MIOS: variants seen among roughly 807,000 people sequenced by gnomAD.
MIOS encodes meiosis regulator for oocyte development, also known as GATOR2 complex protein MIOS.
A neutral mutation model predicts 96.9 loss-of-function variants in MIOS; 52 were observed. The observed-to-expected ratio is 0.54, with a 90% CI of 0.43 to 0.68. The LOEUF (loss-of-function observed/expected upper bound fraction) is 0.68. MIOS is among the 30% of genes least tolerant of loss of function. The pLI, the probability that MIOS is intolerant of heterozygous loss-of-function variation, is 0.00. For synonymous variants in MIOS, 397 were observed against 359.5 expected (o/e 1.10, Z -1.18); for missense variants, 1,005 against 1,052.8 (o/e 0.95, Z 0.63).
chr7:7,590,370 T>C (rs1420347426), intron 9 of MIOS, among the ~76,000 whole-genome samples: 1 of 152,204 alleles, frequency 6.6e-6, no homozygotes, highest in African/African-American at 2.4e-5. Context: ...TTTTTTCTTG[T>C]TGAGATAAAA....
intron 5 of MIOS, among the ~76,000 whole-genome samples, chr7:7,577,879 G>A (rs1783587945): frequency 6.6e-6 from 1 of 152,180 alleles, no homozygotes. Flanking sequence ...CCAGAAGGCA[G>A]AATAAAGGAC....
At chr7:7,590,662 GTTAATAT>G (rs1784021765) in intron 9 of MIOS, among the ~76,000 whole-genome samples, 1 of 151,696 alleles carries the variant, frequency 6.6e-6, no homozygotes, top group Admixed American at 6.6e-5. Flanking sequence ...CTTATTTTGG[GTTAATAT>G]TTCCATGTTT....
At position 7,572,938 on chromosome 7, in the gene MIOS, A is replaced by G; in HGVS notation, c.463A>G (p.Ile155Val). 1.9e-6 allele frequency: 3 copies of G among 1,614,174 alleles called. No homozygotes were observed. Among genetic ancestry groups the G allele is most frequent in the Non-Finnish European group, 2.5e-6 (3 of 1,180,002 alleles). Residue 155 changes from isoleucine (I) to valine (V), a missense_variant, in exon 4 of 13, where the codon ATA becomes GTA. Around this residue, in one of 3 missense-constraint regions of MIOS, gnomAD observed 865 missense variants for 887.9 expected, o/e 0.97. Transcript: ENST00000340080. The surrounding 1 kb of genome is among the most constrained non-coding windows in gnomAD (Gnocchi z 4.8). ...WDICSKYTPDIVPMEKVKLSA... is the reference protein window; with the variant it reads ...WDICSKYTPDVVPMEKVKLSA... ...TATCTGCAGCAAATATACTCCTGAT[A>G]TAGTTCCCATGGAAAAAGTGAAACT...
At chr7:7,581,102 A>G (rs1783708600) in intron 5 of MIOS, among the ~76,000 whole-genome samples, 1 of 149,546 alleles carries the variant, frequency 6.7e-6, no homozygotes, top group Non-Finnish European at 1.5e-5. Context: ...TGGGTGGATC[A>G]CCTGAGGTCG....
At chr7:7,606,175 A>G (rs2286209) in intron 12 of MIOS, 104 bp downstream of exon 12, 970,468 of 1,415,508 alleles carry the variant, frequency 0.69, 336,313 homozygotes, top group Admixed American at 0.78. Flanking sequence ...CCAAAGTATG[A>G]ATTTTATTTT....
chr7:7,578,862 C>T (rs1481858194), intron 5 of MIOS, among the ~76,000 whole-genome samples: 1 of 152,078 alleles, frequency 6.6e-6, no homozygotes, highest in Non-Finnish European at 1.5e-5. Flanking sequence ...AGGCGCATGC[C>T]ATTACACCTG....
chr7:7,583,710 T>G (rs538689078), intron 6 of MIOS, among the ~76,000 whole-genome samples: 1 of 152,324 alleles, frequency 6.6e-6, no homozygotes, highest in East Asian at 1.9e-4. Context: ...AGGGCTACTT[T>G]AGCCTACAAG....
intron 5 of MIOS, among the ~76,000 whole-genome samples, chr7:7,580,458 T>TA (rs1346444761): frequency 6.6e-6 from 1 of 152,200 alleles, no homozygotes; most frequent in Non-Finnish European, 1.5e-5. Context: ...ATAGTCAGGT[T>TA]AAAAATACGT....
At chr7:7,605,587 AC>A (rs748310903) in intron 11 of MIOS, 1 of 176,424 alleles carries the variant, frequency 5.7e-6, no homozygotes, top group Admixed American at 5.9e-5. Flanking sequence ...GAGCCATCAC[AC>A]CCAGCCCTAC....
Position 7,574,137 on chromosome 7 carries a change from C to T in MIOS, c.1334C>T (p.Pro445Leu), listed in dbSNP as rs773014725. 6 of 1,610,990 alleles carry T rather than the reference C, an allele frequency of 3.7e-6. No homozygotes were observed. Among genetic ancestry groups the T allele is most frequent in the Non-Finnish European group, 4.2e-6 (5 of 1,178,310 alleles). ...QYTEDMDQKS[P>L]GNKGSLVYAG... ...ACAGAAGATATGGATCAGAAATCTC[C>T]AGGCAACAAAGGATCATTGGTTTAT... Residue 445 changes from proline to leucine, a missense_variant, in exon 5 of 13, where the codon CCA (proline) becomes CTA (leucine). By Grantham distance (98) the Pro-to-Leu change is moderately conservative. Transcript: ENST00000340080.
At chr7:7,606,568 C>G (rs909869206) in intron 12 of MIOS, among the ~76,000 whole-genome samples, 1 of 152,170 alleles carries the variant, frequency 6.6e-6, no homozygotes, top group Non-Finnish European at 1.5e-5. Flanking sequence ...CCCAGTTTGT[C>G]TTACTAGCTA....
rs759017987 is a variant in MIOS, at chr7:7,606,081, A to G, written c.2531+10A>G. On this transcript the variant is annotated intron_variant, in intron 12 of 12. Coordinates refer to ENST00000340080, the MANE Select transcript of MIOS (RefSeq NM_019005.4). ...TGCTTAGTTGGTTCAGGTAATCAGC[A>G]CATTTCTTCTTTGATAGGCTTGGAG... 6.2e-7 allele frequency: 1 copy of G among 1,613,250 alleles called. No individual in the cohort carries two copies. The highest frequency in any genetic ancestry group is 2.2e-5 in the East Asian group (1 of 44,830).
chr7:7,585,757 C>T lies in MIOS; in HGVS notation c.1770C>T (p.Val590=), dbSNP rs1360614367. Residue 590 remains valine (V), a synonymous_variant, in exon 7 of 13, where the codon GTC becomes GTT. Transcript: ENST00000340080. The part of the protein sequence containing the change: ...RLQLNNPYLC[V]MFAFLTSETG... Reference sequence around the variant, plus strand: ...AGCTAAATAACCCGTATTTGTGTGTCATGTTTGCATTTCTGACAAGTGAAA... The same window carrying T: ...AGCTAAATAACCCGTATTTGTGTGTTATGTTTGCATTTCTGACAAGTGAAA... 8.7e-6 allele frequency: 14 copies of T among 1,611,694 alleles called. No homozygotes were observed. The highest frequency in any genetic ancestry group is 1.2e-5 in the Non-Finnish European group (14 of 1,178,936).
In MIOS at chr7:7,589,553, GTA is replaced by G; in HGVS notation, c.2035_2036del (p.Met679ValfsTer10). 6.2e-7 allele frequency: 1 copy of G among 1,611,426 alleles called. No individual in the cohort carries two copies. The highest frequency in any genetic ancestry group is 8.5e-7 in the Non-Finnish European group (1 of 1,178,340). ...GGAGATGTTCAAACAGCAAGTTACTGTATGTTACAGGTCAGTGCAGTTTGACA... is the reference window on the plus strand; with the variant it reads ...GGAGATGTTCAAACAGCAAGTTACTGTGTTACAGGTCAGTGCAGTTTGACA... On this transcript the variant is annotated frameshift_variant, in exon 9 of 13. Coordinates refer to ENST00000340080, the MANE Select transcript of MIOS (RefSeq NM_019005.4).
At chr7:7,596,934 C>T (rs568159603) in intron 11 of MIOS, among the ~76,000 whole-genome samples, 7 of 152,124 alleles carry the variant, frequency 4.6e-5, no homozygotes, top group Non-Finnish European at 2.9e-5. Context: ...GTGGCTCATG[C>T]CTGTAATCCC....
intron 12 of MIOS, 26 bp downstream of exon 12, chr7:7,606,097 A>G (rs1191233515): frequency 1.2e-6 from 2 of 1,612,422 alleles, no homozygotes; most frequent in East Asian, 2.2e-5. Context: ...CTTCTTTGAT[A>G]GGCTTGGAGT....
At chr7:7,593,823 G>A (rs1188235096) in intron 9 of MIOS, among the ~76,000 whole-genome samples, 2 of 143,816 alleles carry the variant, frequency 1.4e-5, no homozygotes, top group Non-Finnish European at 3.0e-5. Context: ...AGGTTGCAGT[G>A]AGCCGAGATC....
rs946509272 is a variant in MIOS, at chr7:7,601,113, C to T, written c.2401+4652C>T. Among the ~76,000 whole-genome samples, 11 of 152,062 alleles carry T rather than the reference C, an allele frequency of 7.2e-5. 1 individual carries two copies. The highest frequency in any genetic ancestry group is 5.2e-4 in the Admixed American group (8 of 15,260). ...AGCACTAAATGCCCACGAGAGTAAG[C>T]AGGAAAGATCTAAAATTGACACCCT... On this transcript the variant is annotated intron_variant, in intron 11 of 12. Transcript: ENST00000340080.
rs773123307 is a variant in MIOS, at chr7:7,589,429, A to T, written c.1909A>T (p.Thr637Ser). Residue 637 changes from threonine (T) to serine (S), a missense_variant, in exon 9 of 13, where the codon ACC becomes TCC. Thr to Ser is a moderately conservative substitution (Grantham distance 58). Around this residue, in one of 3 missense-constraint regions of MIOS, gnomAD observed 865 missense variants for 887.9 expected, o/e 0.97. Transcript: ENST00000340080. ...TQLNRYIEKL[T>S]NEMKEAGNLE... ...GTTAAATAGATACATCGAAAAGTTG[A>T]CCAATGAAATGAAAGAGGCTGGAAA... 1 of 1,613,574 alleles carries T rather than the reference A, an allele frequency of 6.2e-7. No homozygotes were observed. Among genetic ancestry groups the T allele is most frequent in the Non-Finnish European group, 8.5e-7 (1 of 1,179,662 alleles).
Sources: gnomAD v4.1 joint callset for allele counts (sites outside exome capture counted in the v4.1 genomes callset) on GRCh38, gnomAD v4.1.1 for gene constraint, gnomAD v4.1.1 regional missense constraint, Gnocchi (gnomAD v3.1) non-coding constraint, MANE v1.5 for transcripts, NCBI Gene and HGNC (gene_info 2026-07-23, HGNC 2026-07-21) for gene names.